ATP13A4: variants seen among roughly 807,000 people sequenced by gnomAD.
The protein encoded by ATP13A4 is ATPase 13A4, also known as probable cation-transporting ATPase 13A4.
A neutral mutation model predicts 142.5 loss-of-function variants in ATP13A4; 114 were observed. The ratio of observed to expected loss-of-function variants is 0.80; its 90% CI spans 0.69 to 0.93. The LOEUF is 0.93. Ranked by LOEUF, ATP13A4 falls within the 40% of genes least tolerant of loss-of-function variation. The probability of loss-of-function intolerance (pLI) is 0.00; values close to 1 mark genes in which losing one functional copy is unlikely to be tolerated. For synonymous variants in ATP13A4, 488 were observed against 514.8 expected (o/e 0.95, Z 0.70); for missense variants, 1,392 against 1,454.0 (o/e 0.96, Z 0.69).
intron 8 of ATP13A4, 151 bp from the exon 9 acceptor site, chr3:193,471,144 AAAC>A: frequency 9.7e-7 from 1 of 1,027,690 alleles, no homozygotes; most frequent in Non-Finnish European, 1.5e-6. Flanking sequence ...CAAAATTTGA[AAAC>A]AAAAAGAAAA....
chr3:193,568,061 G>A (rs1038534787), intron 2 of ATP13A4, among the ~76,000 whole-genome samples: 1 of 152,056 alleles, frequency 6.6e-6, no homozygotes, highest in Non-Finnish European at 1.5e-5. Flanking sequence ...CCGGGTTCAA[G>A]CGATTCTCCT....
chr3:193,499,867 C>T (rs749988735), intron 3 of ATP13A4, among the ~76,000 whole-genome samples: 5 of 152,058 alleles, frequency 3.3e-5, no homozygotes, highest in Non-Finnish European at 5.9e-5. Flanking sequence ...TGTAGATGAA[C>T]GCAGCAATAA....
chr3:193,473,752 T>C (rs1336661210), intron 8 of ATP13A4, among the ~76,000 whole-genome samples: 2 of 152,076 alleles, frequency 1.3e-5, no homozygotes, highest in African/African-American at 4.8e-5. Context: ...AATTTAACCA[T>C]GAGGCAACAT....
intron 25 of ATP13A4, among the ~76,000 whole-genome samples, chr3:193,430,710 AGAC>A (rs1715923375): frequency 6.6e-6 from 1 of 152,114 alleles, no homozygotes; most frequent in Admixed American, 6.6e-5. Context: ...AGAGACAGTA[AGAC>A]CAGTACAGCA....
At chr3:193,563,710 T>C (rs184125883) in intron 2 of ATP13A4, among the ~76,000 whole-genome samples, 1 of 152,362 alleles carries the variant, frequency 6.6e-6, no homozygotes, top group East Asian at 1.9e-4. Context: ...ACCTAAAATG[T>C]TGTTTTCTTA....
intron 25 of ATP13A4, among the ~76,000 whole-genome samples, chr3:193,416,331 A>G (rs1406505769): frequency 6.6e-6 from 1 of 152,174 alleles, no homozygotes; most frequent in Non-Finnish European, 1.5e-5. Context: ...AATGGACAGA[A>G]TTTGTCCCTG....
chr3:193,492,023 T>A lies in ATP13A4; in HGVS notation c.534-625A>T, dbSNP rs201804126. Among the ~76,000 whole-genome samples the A allele has an allele frequency of 4.6e-5, 7 of 152,334 alleles. No individual in the cohort carries two copies. In the East Asian group the frequency reaches 1.2e-3, roughly 25 times the overall value. On this transcript the variant is annotated intron_variant, in intron 5 of 29. Transcript: ENST00000342695. ...TTGAAAACACTAACCGCTTTCTCTG[T>A]GTCTTCCACCTCGATGCTCAGATTA... is the stretch of plus-strand genomic sequence containing the variant.
At chr3:193,428,116 A>G (rs1715769774) in intron 25 of ATP13A4, among the ~76,000 whole-genome samples, 1 of 152,182 alleles carries the variant, frequency 6.6e-6, no homozygotes, top group Non-Finnish European at 1.5e-5. Context: ...CAACCCCATT[A>G]AAAAGTGGGC....
rs540215978 is a variant in ATP13A4 at position 193,554,680 on chromosome 3, G to A, written c.60+60C>T. 68 of 1,266,104 alleles carry A rather than the reference G, an allele frequency of 5.4e-5. 1 individual carries two copies. In the South Asian group the frequency reaches 7.9e-4, roughly 15 times the overall value. 78.4% of individuals were successfully genotyped at this position (1,266,104 alleles called of 1,614,324 possible). A position where few individuals can be genotyped will look rare whatever the true frequency, so the allele number is the denominator to read the frequency against. ...TGTGTGTGTGTGTGTGTGTGTGTGT[G>A]TGTGTGTCTCGCAGGCTGAGAAGTG... On this transcript the variant is annotated intron_variant, in intron 1 of 29. Transcript: ENST00000342695.
At chr3:193,405,140 C>T (rs1310364467) in intron 29 of ATP13A4, among the ~76,000 whole-genome samples, 1 of 152,178 alleles carries the variant, frequency 6.6e-6, no homozygotes, top group African/African-American at 2.4e-5. Context: ...AGCCAGGATT[C>T]GAACCCACCC....
chr3:193,462,983 TTA>T (rs1718044886), intron 12 of ATP13A4, among the ~76,000 whole-genome samples, 160 bp from the exon 13 acceptor site: 1 of 149,988 alleles, frequency 6.7e-6, no homozygotes, highest in Non-Finnish European at 1.5e-5. Flanking sequence ...CCTCCCTATT[TTA>T]AAAAAAAAAA....
intron 1 of ATP13A4, among the ~76,000 whole-genome samples, chr3:193,521,413 T>C (rs1721709344): frequency 6.6e-6 from 1 of 152,164 alleles, no homozygotes; most frequent in African/African-American, 2.4e-5. Flanking sequence ...GAAAGGGCAC[T>C]CCAAGTGGAG....
At chr3:193,527,125 T>G (rs1303832755) in intron 1 of ATP13A4, among the ~76,000 whole-genome samples, 5 of 152,156 alleles carry the variant, frequency 3.3e-5, no homozygotes, top group African/African-American at 1.2e-4. Context: ...TGGCTGGGAT[T>G]TAATCTAAAC....
At chr3:193,454,893 C>T (rs754825627) in intron 16 of ATP13A4, among the ~76,000 whole-genome samples, 7 of 152,104 alleles carry the variant, frequency 4.6e-5, no homozygotes, top group Non-Finnish European at 7.4e-5. Flanking sequence ...AGCTTCTGCA[C>T]AGCAAAAGAA....
intron 16 of ATP13A4, among the ~76,000 whole-genome samples, chr3:193,454,681 C>T (rs1717481632): frequency 6.6e-6 from 1 of 152,200 alleles, no homozygotes; most frequent in Non-Finnish European, 1.5e-5. Context: ...AAGACTGAAA[C>T]TGGACCCCTT....
chr3:193,441,666 T>A (rs1342569152), intron 19 of ATP13A4, 78 bp from the exon 20 acceptor site: 1 of 1,529,594 alleles, frequency 6.5e-7, no homozygotes, highest in Non-Finnish European at 9.0e-7. Flanking sequence ...CTGAGAGAAG[T>A]TAATGAAGAC....
chr3:193,402,547 C>A lies in ATP13A4; in HGVS notation c.*105G>T. ...GTCACCATGATTTGATAGGTAGCCC[C>A]AAAACTCCAGCTGATGTTACAAGAG... On this transcript the variant is annotated 3_prime_UTR_variant, in exon 30 of 30. Transcript: ENST00000342695. 1 of 712,468 alleles carries A rather than the reference C, an allele frequency of 1.4e-6. No homozygotes were observed. The highest frequency in any genetic ancestry group is 2.5e-5 in the East Asian group (1 of 39,284). The allele number at this position is 712,468 out of a possible 1,614,324, so 44.1% of individuals were successfully genotyped here.
rs531008933 is a variant in ATP13A4, at chr3:193,568,224, G to A, written n.291+13483C>T. 3.3e-5 allele frequency among the ~76,000 whole-genome samples: 5 copies of A among 151,932 alleles called. No homozygotes were observed. The East Asian group carries it at 9.8e-4, about 30-fold the overall frequency. On this transcript the variant is annotated intron_variant and non_coding_transcript_variant, in intron 2 of 3. Coordinates refer to the ATP13A4 transcript ENST00000489140. ...GATCTGCCTGCCTCAGACTCCCAAA[G>A]TGCTGGGATTACAGGCATGAGCCAC...
intron 8 of ATP13A4, 145 bp downstream of exon 8, chr3:193,483,791 A>T: frequency 1.3e-6 from 1 of 762,234 alleles, no homozygotes; most frequent in South Asian, 1.7e-5. Context: ...TAAAAAAAAA[A>T]ACTTAAGTTC....
Sources: gnomAD v4.1 joint callset for allele counts (sites outside exome capture counted in the v4.1 genomes callset) on GRCh38, gnomAD v4.1.1 for gene constraint, MANE v1.5 for transcripts, NCBI Gene and HGNC (gene_info 2026-07-23, HGNC 2026-07-21) for gene names.